The following FASTKD2 variants were observed in gnomAD, a reference collection of about 807,000 sequenced individuals.
FASTKD2 encodes the protein FAST kinase domains 2.
A neutral mutation model predicts 63.6 loss-of-function variants in FASTKD2; 51 were observed. That is an observed-to-expected ratio of 0.80 (90% CI 0.64 to 1.01). The LOEUF (loss-of-function observed/expected upper bound fraction) is 1.01, where lower values mean the gene tolerates loss of function less well. FASTKD2 is among the 50% of genes least tolerant of loss of function. The probability of loss-of-function intolerance (pLI) is 0.00; values close to 1 mark genes in which losing one functional copy is unlikely to be tolerated. For synonymous variants in FASTKD2, 284 were observed against 293.4 expected, an observed-to-expected ratio of 0.97 and a Z score of 0.33; for missense variants, 786 against 831.1, an observed-to-expected ratio of 0.95 and a Z score of 0.67.
At chr2:206,772,956 T>G (rs962034820) in intron 6 of FASTKD2, among the ~76,000 whole-genome samples, 1 of 152,218 alleles carries the variant, frequency 6.6e-6, no homozygotes, top group African/African-American at 2.4e-5. Context: ...ACAATCTGTA[T>G]ACTATTCTAT....
intron 2 of FASTKD2, among the ~76,000 whole-genome samples, chr2:206,769,144 A>G (rs1689600947): frequency 6.6e-6 from 1 of 152,242 alleles, no homozygotes; most frequent in Non-Finnish European, 1.5e-5. Flanking sequence ...GTGAAAGGAC[A>G]GTGTGCCATC....
chr2:206,773,316 CAAAAAAAAAAAA>C (rs869141094), intron 6 of FASTKD2, among the ~76,000 whole-genome samples: 2 of 68,140 alleles, frequency 2.9e-5, no homozygotes, highest in South Asian at 5.7e-4. Context: ...AACTCTGTCT[CAAAAAAAAAAAA>C]AAAAAAAAAG....
intron 7 of FASTKD2, chr2:206,786,498 G>GT: frequency 2.0e-6 from 1 of 492,076 alleles, no homozygotes; most frequent in East Asian, 3.9e-5. Context: ...TACCCATGGA[G>GT]TTTTTTAGTG....
At chr2:206,782,857 G>A (rs1230595486) in intron 7 of FASTKD2, among the ~76,000 whole-genome samples, 1 of 152,068 alleles carries the variant, frequency 6.6e-6, no homozygotes, top group Non-Finnish European at 1.5e-5. Context: ...AAGTTCTTAT[G>A]ACAATGCCCA....
chr2:206,772,002 A>G lies in FASTKD2; in HGVS notation c.1099A>G (p.Ser367Gly), dbSNP rs773666548. 6.2e-6 allele frequency: 10 copies of G among 1,613,702 alleles called. No homozygotes were observed. The Middle Eastern group carries it at 4.9e-4, about 80-fold the overall frequency. ...HRSLILLDEC[S>G]KVVLDNIHGC... ...ATCTCTTATACTCCTGGATGAATGCAGTAAGGTGGTCCTAGGTAAGAGGAA... is the reference window on the plus strand; with the variant it reads ...ATCTCTTATACTCCTGGATGAATGCGGTAAGGTGGTCCTAGGTAAGAGGAA... The change falls in exon 5 of 12, where the codon AGT (serine) becomes GGT (glycine). Residue 367 changes from serine (S) to glycine (G), a missense_variant. Coordinates refer to ENST00000402774, the MANE Select transcript of FASTKD2 (RefSeq NM_001136193.2).
Position 206,774,253 on chromosome 2 carries a change from AC to A in FASTKD2, c.1285del (p.Gly430AlafsTer7). On this transcript the variant is annotated frameshift_variant, in exon 7 of 12. Transcript: ENST00000402774. LOFTEE classifies it high-confidence loss of function. ...CTTTTTATCCTCATTTTATTTGAAAACCTTGGCTTTCGACCTGTTGGTTTAA... is the reference window on the plus strand; with the variant it reads ...CTTTTTATCCTCATTTTATTTGAAAACTTGGCTTTCGACCTGTTGGTTTAA... ...KVLFILILFE[N>X]LGFRPVGLMD... 6.2e-7 allele frequency: 1 copy of A among 1,611,588 alleles called. No homozygotes were observed. Among genetic ancestry groups the A allele is most frequent in the East Asian group, 2.2e-5 (1 of 44,728 alleles).
rs1216674673 is a variant in FASTKD2, at chr2:206,792,894, G to A, written c.*1092G>A. On this transcript the variant is annotated 3_prime_UTR_variant, in exon 12 of 12. Transcript: ENST00000402774. ...AGGCTACACAGAGTAGGGGAGGGCT[G>A]GAGTTTGAATGTGAGCTAACATAGG... 1.3e-5 allele frequency among the ~76,000 whole-genome samples: 2 copies of A among 152,142 alleles called. No homozygotes were observed.
In FASTKD2 at chr2:206,772,322, T is replaced by A; in HGVS notation, c.1254+2T>A. The A allele has an allele frequency of 6.2e-7, 1 of 1,613,662 alleles. No homozygotes were observed. Among genetic ancestry groups the A allele is most frequent in the Non-Finnish European group, 8.5e-7 (1 of 1,179,572 alleles). On this transcript the variant is annotated splice_donor_variant, in intron 6 of 11. Coordinates refer to ENST00000402774, the MANE Select transcript of FASTKD2 (RefSeq NM_001136193.2). LOFTEE classifies it high-confidence loss of function. ...TTCGACATCTGGAAGTTCAGAAAAG[T>A]GAGTACATTAACAATTTAGAATAAG...
chr2:206,779,284 A>T (rs1311864182), intron 7 of FASTKD2, among the ~76,000 whole-genome samples: 1 of 152,102 alleles, frequency 6.6e-6, no homozygotes, highest in Non-Finnish European at 1.5e-5. Context: ...TTAAATCTAA[A>T]GCGAGTATCT....
intron 6 of FASTKD2, among the ~76,000 whole-genome samples, chr2:206,772,629 T>G (rs972114729): frequency 6.6e-6 from 1 of 152,226 alleles, no homozygotes; most frequent in Non-Finnish European, 1.5e-5. Flanking sequence ...GTTAGTGATA[T>G]GTTGTATGAT....
chr2:206,770,467 G>A (rs1323559956), intron 3 of FASTKD2, among the ~76,000 whole-genome samples: 1 of 152,168 alleles, frequency 6.6e-6, no homozygotes, highest in Non-Finnish European at 1.5e-5. Context: ...GTACTGGCCA[G>A]GCGCAGTGAC....
At position 206,765,609 on chromosome 2, in the gene FASTKD2, G is replaced by A. The variant is rs1488445249; in HGVS notation, c.-189G>A. The A allele has an allele frequency of 4.4e-6, 4 of 911,882 alleles. No individual in the cohort carries two copies. The highest frequency in any genetic ancestry group is 5.5e-5 in the Admixed American group (1 of 18,206). 56.5% of individuals were successfully genotyped at this position (911,882 alleles called of 1,614,324 possible). A position where few individuals can be genotyped will look rare whatever the true frequency, so the allele number is the denominator to read the frequency against. ...GTGAGAAGCGCAGCTTCTCGGGGAA[G>A]CTGTCATGGCTGCTCCTGTACGTAG... is the stretch of plus-strand genomic sequence containing the variant. On this transcript the variant is annotated 5_prime_UTR_variant, in exon 1 of 12. Coordinates refer to ENST00000402774, the MANE Select transcript of FASTKD2 (RefSeq NM_001136193.2).
chr2:206,783,867 G>C (rs1390330549), intron 7 of FASTKD2, among the ~76,000 whole-genome samples: 3 of 152,192 alleles, frequency 2.0e-5, no homozygotes, highest in Non-Finnish European at 4.4e-5. Context: ...GCAAGGTATG[G>C]AGATGGTTTT....
At chr2:206,768,050 G>GC (rs540222941) in intron 2 of FASTKD2, among the ~76,000 whole-genome samples, 218 of 152,140 alleles carry the variant, frequency 1.4e-3, no homozygotes, top group African/African-American at 4.7e-3. Flanking sequence ...GGAGTGAGGG[G>GC]CAAGAGGCTT....
intron 7 of FASTKD2, among the ~76,000 whole-genome samples, chr2:206,775,947 T>G (rs1689813524): frequency 6.6e-6 from 1 of 152,008 alleles, no homozygotes; most frequent in South Asian, 2.1e-4. Context: ...TAAAGTGATA[T>G]CTCATTGTGG....
Position 206,795,032 on chromosome 2 carries a change from C to T in FASTKD2, c.*3230C>T, listed in dbSNP as rs1031333872. Among the ~76,000 whole-genome samples, 1 of 121,192 alleles carries T rather than the reference C, an allele frequency of 8.3e-6. No homozygotes were observed. Among genetic ancestry groups the T allele is most frequent in the East Asian group, 6.1e-4 (1 of 1,642 alleles). 79.5% of individuals were successfully genotyped at this position (121,192 alleles called of 152,430 possible). ...AGCAGCAAGCCACTTAGGTAGCTGGCGAGGGACGTGGCACAGCCTTGTCTT... is the reference window on the plus strand; with the variant it reads ...AGCAGCAAGCCACTTAGGTAGCTGGTGAGGGACGTGGCACAGCCTTGTCTT... On this transcript the variant is annotated 3_prime_UTR_variant, in exon 12 of 12. Transcript: ENST00000402774.
chr2:206,774,073 T>C, intron 6 of FASTKD2, 152 bp from the exon 7 acceptor site: 1 of 599,078 alleles, frequency 1.7e-6, no homozygotes. Context: ...GAGAGAAAGA[T>C]GATTGTTCCT....
At chr2:206,772,922 G>A (rs1181605929) in intron 6 of FASTKD2, among the ~76,000 whole-genome samples, 1 of 152,086 alleles carries the variant, frequency 6.6e-6, no homozygotes, top group Admixed American at 6.5e-5. Flanking sequence ...AGTTTGTTGG[G>A]ATATACCCCA....
At chr2:206,774,181 A>G (rs767872395) in intron 6 of FASTKD2, 44 bp from the exon 7 acceptor site, 1 of 1,364,656 alleles carries the variant, frequency 7.3e-7, no homozygotes, top group African/African-American at 1.4e-5. Flanking sequence ...CTATTAGCAT[A>G]CTGTAATTAT....
Sources: gnomAD v4.1 joint callset for allele counts (sites outside exome capture counted in the v4.1 genomes callset) on GRCh38, gnomAD v4.1.1 for gene constraint, MANE v1.5 for transcripts, NCBI Gene and HGNC (gene_info 2026-07-23, HGNC 2026-07-21) for gene names.